PRKAG2: variants seen among roughly 807,000 people sequenced by gnomAD.
PRKAG2 encodes the protein 5'-AMP-activated protein kinase subunit gamma-2.
Under a neutral mutation model 69.6 loss-of-function variants are expected in PRKAG2, and 26 were observed. That is an observed-to-expected ratio of 0.37 (90% CI 0.27 to 0.52). PRKAG2 has a LOEUF of 0.52. Ranked by LOEUF, PRKAG2 falls within the 20% of genes least tolerant of loss-of-function variation. The pLI, the probability that PRKAG2 is intolerant of heterozygous loss-of-function variation, is 0.90. For synonymous variants in PRKAG2, 293 were observed against 285.0 expected, an observed-to-expected ratio of 1.03 and a Z score of -0.28; for missense variants, 557 against 740.0, an observed-to-expected ratio of 0.75 and a Z score of 2.87.
intron 3 of PRKAG2, among the ~76,000 whole-genome samples, chr7:151,744,289 A>G (rs2074118567): frequency 6.6e-6 from 1 of 152,188 alleles, no homozygotes; most frequent in South Asian, 2.1e-4. Flanking sequence ...CATGTGGCAC[A>G]TGTTGTCCCA....
intron 1 of PRKAG2, among the ~76,000 whole-genome samples, chr7:151,834,199 G>T (rs905528137): frequency 6.6e-6 from 1 of 152,218 alleles, no homozygotes; most frequent in Non-Finnish European, 1.5e-5. Flanking sequence ...TTCAAACAAG[G>T]TGTCAACTCA....
chr7:151,680,275 T>C (rs377484326), intron 3 of PRKAG2, among the ~76,000 whole-genome samples: 47 of 152,278 alleles, frequency 3.1e-4, no homozygotes, highest in African/African-American at 9.9e-4. Flanking sequence ...ATTACCATGG[T>C]GCTTTTAAAA....
In PRKAG2 at chr7:151,766,091, T is replaced by C. The variant is rs551774560; in HGVS notation, c.466+15061A>G. On this transcript the variant is annotated intron_variant, in intron 3 of 15. Transcript: ENST00000287878. ...TTTCAGACTCAATTCATCTCCTTTA[T>C]CTGTGACACTGTGTGAATGGGAACA... 8.5e-5 allele frequency among the ~76,000 whole-genome samples: 13 copies of C among 152,326 alleles called. No individual in the cohort carries two copies. The East Asian group carries it at 2.5e-3, about 29-fold the overall frequency.
At chr7:151,776,614 G>C (rs377192386) in intron 3 of PRKAG2, among the ~76,000 whole-genome samples, 1 of 152,172 alleles carries the variant, frequency 6.6e-6, no homozygotes, top group East Asian at 1.9e-4. Flanking sequence ...CCCAGGTCCC[G>C]CTCCCTTCGC....
chr7:151,742,739 A>G (rs1434107250), intron 3 of PRKAG2, among the ~76,000 whole-genome samples: 3 of 152,164 alleles, frequency 2.0e-5, no homozygotes, highest in African/African-American at 7.2e-5. Context: ...TTGTGGGTAC[A>G]CCGTACTCTG....
chr7:151,680,323 T>A (rs905513508), intron 3 of PRKAG2, among the ~76,000 whole-genome samples: 2 of 152,124 alleles, frequency 1.3e-5, no homozygotes, highest in South Asian at 4.1e-4. Flanking sequence ...CAAGAAGAGG[T>A]TAGATAAATC....
chr7:151,641,244 C>CTTT (rs374667332), intron 4 of PRKAG2, among the ~76,000 whole-genome samples: 29 of 105,678 alleles, frequency 2.7e-4, no homozygotes, highest in African/African-American at 3.5e-4. Flanking sequence ...TTCTTTTTTC[C>CTTT]TTTTTTTTTT....
intron 3 of PRKAG2, among the ~76,000 whole-genome samples, chr7:151,762,164 G>A (rs2075450065): frequency 6.6e-6 from 1 of 152,188 alleles, no homozygotes; most frequent in South Asian, 2.1e-4. Flanking sequence ...CAAATGTGAT[G>A]GACTTAGCGG....
At chr7:151,745,767 G>A (rs11771414) in intron 3 of PRKAG2, among the ~76,000 whole-genome samples, 76,569 of 152,128 alleles carry the variant, frequency 0.5, 19,677 homozygotes, top group East Asian at 0.66. Context: ...AGCACCCAAA[G>A]AGTAAGAAAT....
rs116677629 is a variant in PRKAG2 at position 151,733,669 on chromosome 7, T to C, written c.466+47483A>G. 9.2e-3 allele frequency among the ~76,000 whole-genome samples: 1,401 copies of C among 152,082 alleles called. 25 individuals are homozygous for C. Among genetic ancestry groups the C allele is most frequent in the African/African-American group, 0.032 (1,330 of 41,454 alleles). ...AGGATTCCATCCCTCCTCTCCCTGC[T>C]CAGGGCTGGGTGTCCTATTCCCGTG... On this transcript the variant is annotated intron_variant, in intron 3 of 15. Transcript: ENST00000287878.
chr7:151,860,266 C>T (rs545173522), intron 1 of PRKAG2, among the ~76,000 whole-genome samples: 2 of 152,358 alleles, frequency 1.3e-5, no homozygotes, highest in Non-Finnish European at 2.9e-5. Context: ...GGCCCTCGGA[C>T]AGGCAAGACC....
At chr7:151,767,278 T>C (rs1161682914) in intron 3 of PRKAG2, among the ~76,000 whole-genome samples, 1 of 152,144 alleles carries the variant, frequency 6.6e-6, no homozygotes, top group East Asian at 1.9e-4. Context: ...CCTCTTGAGA[T>C]AATAAACTCC....
chr7:151,663,448 G>C (rs546111807), intron 4 of PRKAG2, among the ~76,000 whole-genome samples: 1 of 152,134 alleles, frequency 6.6e-6, no homozygotes, highest in African/African-American at 2.4e-5. Context: ...CTGCAGCCTC[G>C]ACCTCCCAGG....
rs558176759 is a variant in PRKAG2 at position 151,799,089 on chromosome 7, C to T, written c.115-12548G>A. 4.6e-5 allele frequency among the ~76,000 whole-genome samples: 7 copies of T among 152,212 alleles called. No individual in the cohort carries two copies. The East Asian group carries it at 1.4e-3, about 29-fold the overall frequency. On this transcript the variant is annotated intron_variant, in intron 1 of 15. Transcript: ENST00000287878. ...GTTCCCAACTGGCCCGGGCCTGCTG[C>T]GGGTGCCCTCACCTCTAGCGCCTAA...
chr7:151,597,827 C>CT (rs1554482738), intron 5 of PRKAG2, among the ~76,000 whole-genome samples: 27 of 149,158 alleles, frequency 1.8e-4, no homozygotes, highest in African/African-American at 5.2e-4. Context: ...GGAGCCCCCC[C>CT]CCCCGCTCTT....
intron 1 of PRKAG2, among the ~76,000 whole-genome samples, chr7:151,824,210 T>A (rs2078856922): frequency 6.6e-6 from 1 of 152,216 alleles, no homozygotes; most frequent in South Asian, 2.1e-4. Flanking sequence ...TTCATAATAT[T>A]CTATGACTTG....
chr7:151,573,534 T>G (rs1010205228), intron 8 of PRKAG2, among the ~76,000 whole-genome samples: 1 of 151,854 alleles, frequency 6.6e-6, no homozygotes, highest in African/African-American at 2.4e-5. Context: ...CATAACTGCT[T>G]TTTTGCAATT....
At chr7:151,769,009 C>T (rs763814780) in intron 3 of PRKAG2, among the ~76,000 whole-genome samples, 1 of 152,226 alleles carries the variant, frequency 6.6e-6, no homozygotes. Context: ...TGCTCCAAAG[C>T]TCCATGGAGG....
chr7:151,631,091 TTAAAG>T (rs1461072845), intron 5 of PRKAG2, among the ~76,000 whole-genome samples: 4 of 152,198 alleles, frequency 2.6e-5, no homozygotes, highest in Non-Finnish European at 1.5e-5. Flanking sequence ...AACAGAGGTA[TTAAAG>T]TAAAGTTGGC....
Sources: gnomAD v4.1 joint callset for allele counts (sites outside exome capture counted in the v4.1 genomes callset) on GRCh38, gnomAD v4.1.1 for gene constraint, MANE v1.5 for transcripts, NCBI Gene and HGNC (gene_info 2026-07-23, HGNC 2026-07-21) for gene names.